Variants in CFAP58 observed in about 807,000 individuals in gnomAD.
The protein encoded by CFAP58 is cilia- and flagella-associated protein 58.
A neutral mutation model predicts 119.5 loss-of-function variants in CFAP58; 88 were observed. The observed-to-expected ratio is 0.74, with a 90% CI of 0.62 to 0.88. The LOEUF is 0.88. Among genes scored for constraint, CFAP58 ranks in the 40% least tolerant of loss-of-function variants. The probability of loss-of-function intolerance (pLI) is 0.00; values close to 1 mark genes in which losing one functional copy is unlikely to be tolerated. For missense variants in CFAP58, 990 were observed against 1,021.2 expected (o/e 0.97, Z 0.42); for synonymous variants, 365 against 366.3 (o/e 1.00, Z 0.04).
chr10:104,400,940 G>A (rs1450371488), intron 13 of CFAP58, 37 bp downstream of exon 13: 1 of 1,472,426 alleles, frequency 6.8e-7, no homozygotes, highest in Non-Finnish European at 9.5e-7. Context: ...AAGGCACAGT[G>A]CAACGTGGGG....
intron 4 of CFAP58, 97 bp downstream of exon 4, chr10:104,364,986 C>A (rs113479432): frequency 9.7e-6 from 12 of 1,232,626 alleles, no homozygotes; most frequent in African/African-American, 3.1e-5. Flanking sequence ...CTCAAATTTA[C>A]CCCCTAGCGC....
At chr10:104,355,404 C>G (rs764736760) in intron 1 of CFAP58, among the ~76,000 whole-genome samples, 13 of 152,222 alleles carry the variant, frequency 8.5e-5, no homozygotes, top group Non-Finnish European at 1.5e-4. Context: ...AGCTGCTCCA[C>G]TATTATGGAT....
chr10:104,438,100 G>A lies in CFAP58; in HGVS notation c.2257-9598G>A, dbSNP rs114984619. Among the ~76,000 whole-genome samples, 646 of 152,238 alleles carry A rather than the reference G, an allele frequency of 4.2e-3. 4 individuals are homozygous for A. The highest frequency in any genetic ancestry group is 0.015 in the African/African-American group (626 of 41,542). On this transcript the variant is annotated intron_variant, in intron 15 of 17. Transcript: ENST00000369704. ...ATTTGATGGGACATATGATAACATT[G>A]AGATGCCATTTTACTGTTTCTAGAA...
chr10:104,445,983 C>A (rs2013107948), intron 15 of CFAP58, among the ~76,000 whole-genome samples: 1 of 152,178 alleles, frequency 6.6e-6, no homozygotes, highest in Non-Finnish European at 1.5e-5. Context: ...GAGGTTCTTT[C>A]CTTTGCAAGT....
At chr10:104,386,610 C>A (rs186242103) in intron 9 of CFAP58, among the ~76,000 whole-genome samples, 145 of 151,928 alleles carry the variant, frequency 9.5e-4, no homozygotes, top group African/African-American at 3.4e-3. Context: ...GTAACTGTTA[C>A]TTGTGTATGT....
chr10:104,438,837 A>G (rs1479117507), intron 15 of CFAP58, among the ~76,000 whole-genome samples: 1 of 152,226 alleles, frequency 6.6e-6, no homozygotes, highest in Non-Finnish European at 1.5e-5. Flanking sequence ...AATGTTCATA[A>G]AAACAAAACC....
intron 15 of CFAP58, among the ~76,000 whole-genome samples, chr10:104,421,937 G>A (rs1400320780): frequency 1.3e-5 from 2 of 152,208 alleles, no homozygotes; most frequent in African/African-American, 4.8e-5. Flanking sequence ...TATAATCCTA[G>A]CACTTCGGGA....
chr10:104,370,306 A>G (rs1337702173), intron 6 of CFAP58, among the ~76,000 whole-genome samples: 1 of 152,236 alleles, frequency 6.6e-6, no homozygotes, highest in Non-Finnish European at 1.5e-5. Flanking sequence ...GCTGCTGATA[A>G]AGACACACCC....
In CFAP58 at chr10:104,443,994, A is replaced by G. The variant is rs116587263; in HGVS notation, c.2257-3704A>G. 3.1e-3 allele frequency among the ~76,000 whole-genome samples: 477 copies of G among 152,370 alleles called. 1 individual carries two copies. The highest frequency in any genetic ancestry group is 0.011 in the African/African-American group (461 of 41,594). On this transcript the variant is annotated intron_variant, in intron 15 of 17. Transcript: ENST00000369704. ...TGATGGCCTGTCCAACGGAGAGAAC[A>G]GGATGTCTAGGAAGAGGCTATCATT...
chr10:104,392,362 A>C lies in CFAP58; in HGVS notation c.1495A>C (p.Asn499His). Reference protein sequence around the residue: ...NLYEAVRSDRNLYSKNLVEAQ... With the variant: ...NLYEAVRSDRHLYSKNLVEAQ... The stretch of plus-strand genomic sequence containing the variant: ...ATATGAAGCTGTGAGATCAGACAGA[A>C]ATCTGTATAGCAAAAATCTGGTTGA... Residue 499 changes from asparagine to histidine, a missense_variant, in exon 10 of 18, where the codon AAT becomes CAT. By Grantham distance (68) the Asn-to-His change is moderately conservative. Transcript: ENST00000369704. 1.2e-6 allele frequency: 2 copies of C among 1,602,960 alleles called. No individual in the cohort carries two copies. The highest frequency in any genetic ancestry group is 1.7e-6 in the Non-Finnish European group (2 of 1,176,160).
Position 104,399,453 on chromosome 10 carries a change from G to A in CFAP58, c.1768G>A (p.Ala590Thr). 1 of 1,613,874 alleles carries A rather than the reference G, an allele frequency of 6.2e-7. No homozygotes were observed. Among genetic ancestry groups the A allele is most frequent in the Non-Finnish European group, 8.5e-7 (1 of 1,179,900 alleles). Reference sequence around the variant, plus strand: ...AGAGAGAAAACTCCTGCGAATAATTGCTGAGGCTGACGGGGAGAGGTTGAG... The same window carrying A: ...AGAGAGAAAACTCCTGCGAATAATTACTGAGGCTGACGGGGAGAGGTTGAG... ...AEERKLLRIIAEADGERLRQK... is the reference protein window; with the variant it reads ...AEERKLLRIITEADGERLRQK... The change falls in exon 12 of 18, where the codon GCT becomes ACT. Residue 590 changes from alanine (A) to threonine (T), a missense_variant. Transcript: ENST00000369704.
intron 15 of CFAP58, among the ~76,000 whole-genome samples, chr10:104,438,551 A>G (rs1281598285): frequency 6.6e-6 from 1 of 151,020 alleles, no homozygotes; most frequent in African/African-American, 2.4e-5. Context: ...AATTTTTTGT[A>G]TTTTTAGTAG....
At chr10:104,411,926 C>T (rs1393671799) in intron 15 of CFAP58, among the ~76,000 whole-genome samples, 1 of 152,174 alleles carries the variant, frequency 6.6e-6, no homozygotes, top group Non-Finnish European at 1.5e-5. Context: ...CCACTTCACA[C>T]AGGCCCAGCA....
At chr10:104,451,214 G>C (rs2013191024) in intron 17 of CFAP58, among the ~76,000 whole-genome samples, 1 of 152,138 alleles carries the variant, frequency 6.6e-6, no homozygotes, top group South Asian at 2.1e-4. Context: ...TCAGGGACAT[G>C]GTGAAATATG....
At chr10:104,432,591 C>T (rs2012867001) in intron 15 of CFAP58, among the ~76,000 whole-genome samples, 1 of 152,142 alleles carries the variant, frequency 6.6e-6, no homozygotes, top group African/African-American at 2.4e-5. Context: ...CATTCTCCGC[C>T]TCATGGGTTC....
chr10:104,346,429 C>A, the CFAP58 span, among the ~76,000 whole-genome samples: 6 of 151,954 alleles, frequency 3.9e-5, no homozygotes, highest in Admixed American at 1.3e-4. Flanking sequence ...CTCACTGTAA[C>A]CTCAAACTCC....
chr10:104,357,967 A>ACG (rs1564876213), intron 1 of CFAP58, among the ~76,000 whole-genome samples: 1 of 105,902 alleles, frequency 9.4e-6, no homozygotes, highest in Non-Finnish European at 1.7e-5. Context: ...ACATATATGT[A>ACG]CACATATGTA....
intron 13 of CFAP58, 147 bp downstream of exon 13, chr10:104,401,050 T>C (rs961372163): frequency 6.5e-6 from 4 of 618,090 alleles, no homozygotes; most frequent in Non-Finnish European, 1.1e-5. Flanking sequence ...TAACAAATAA[T>C]AAGAGCAGCT....
At chr10:104,449,419 G>A (rs955535202) in intron 16 of CFAP58, among the ~76,000 whole-genome samples, 1 of 152,070 alleles carries the variant, frequency 6.6e-6, no homozygotes, top group African/African-American at 2.4e-5. Context: ...GCTTTGGCAT[G>A]CGCTATGTCC....
Sources: gnomAD v4.1 joint callset for allele counts (sites outside exome capture counted in the v4.1 genomes callset) on GRCh38, gnomAD v4.1.1 for gene constraint, MANE v1.5 for transcripts, NCBI Gene and HGNC (gene_info 2026-07-23, HGNC 2026-07-21) for gene names.